RAD51B: variants seen among roughly 807,000 people sequenced by gnomAD.
RAD51B encodes DNA repair protein RAD51 homolog 2.
In RAD51B, 38 loss-of-function variants were observed where a neutral mutation model predicts 42.2. The observed-to-expected ratio is 0.90, with a 90% confidence interval of 0.70 to 1.18. RAD51B has a LOEUF of 1.18. RAD51B is among the 50% of genes most tolerant of loss of function. The pLI, the probability that RAD51B is intolerant of heterozygous loss-of-function variation, is 0.00. For synonymous variants in RAD51B, 154 were observed against 145.2 expected (o/e 1.06, Z -0.43); for missense variants, 373 against 400.7 (o/e 0.93, Z 0.59).
rs1441859178 is a variant in RAD51B at position 68,648,070 on chromosome 14, T to A, written c.1037-2711T>A. Among the ~76,000 whole-genome samples, 2 of 121,748 alleles carry A rather than the reference T, an allele frequency of 1.6e-5. 1 individual carries two copies. The highest frequency in any genetic ancestry group is 1.7e-4 in the Admixed American group (2 of 11,586). The allele number at this position is 121,748 out of a possible 152,430, so 79.9% of individuals were successfully genotyped here. On this transcript the variant is annotated intron_variant, in intron 10 of 11. Transcript: ENST00000488612. ...ATATAGATGTGTGTGTGTATATATA[T>A]ATACACGTATATATACGTGTGTGTA...
intron 11 of RAD51B, among the ~76,000 whole-genome samples, chr14:68,654,257 G>A (rs1447924387): frequency 6.6e-6 from 1 of 152,244 alleles, no homozygotes; most frequent in Non-Finnish European, 1.5e-5. Context: ...TGGAATCCTG[G>A]TGGTTCGGTC....
chr14:68,112,738 G>T (rs906644082), intron 7 of RAD51B, among the ~76,000 whole-genome samples: 1 of 152,190 alleles, frequency 6.6e-6, no homozygotes, highest in Admixed American at 6.6e-5. Flanking sequence ...CCAGAAGATA[G>T]TCTTCTTTGG....
At chr14:68,678,016 C>T (rs112720922) in intron 11 of RAD51B, among the ~76,000 whole-genome samples, 5 of 152,296 alleles carry the variant, frequency 3.3e-5, no homozygotes, top group South Asian at 2.1e-4. Flanking sequence ...GCTAAGCATT[C>T]GCCATGCTTT....
intron 7 of RAD51B, chr14:68,149,667 A>T (rs2078333004): frequency 6.6e-6 from 1 of 152,250 alleles, no homozygotes; most frequent in African/African-American, 2.4e-5. Context: ...GTGGCTATTC[A>T]TGGGCTTGAT....
chr14:67,871,618 G>A (rs1240387084), intron 5 of RAD51B, among the ~76,000 whole-genome samples: 2 of 152,102 alleles, frequency 1.3e-5, no homozygotes, highest in Non-Finnish European at 2.9e-5. Flanking sequence ...ACCAAAGCCG[G>A]GCAGAGACAC....
At chr14:68,457,248 A>C (rs1353623621) in intron 9 of RAD51B, among the ~76,000 whole-genome samples, 1 of 151,888 alleles carries the variant, frequency 6.6e-6, no homozygotes, top group Non-Finnish European at 1.5e-5. Flanking sequence ...CAAAAGGAAA[A>C]TTTGGAAATT....
At position 68,595,606 on chromosome 14, in the gene RAD51B, G is replaced by A. The variant is rs963917; in HGVS notation, c.*1003G>A. Reference sequence around the variant, plus strand: ...TGACCAGAACAAGGGAGCAGCCTGAGTCAGTCTCCCCAATGTCTACATTGT... The same window carrying A: ...TGACCAGAACAAGGGAGCAGCCTGAATCAGTCTCCCCAATGTCTACATTGT... On this transcript the variant is annotated 3_prime_UTR_variant, in exon 11 of 11. Coordinates refer to the RAD51B transcript ENST00000487270. 321,430 of 1,064,476 alleles carry A rather than the reference G, an allele frequency of 0.3. 50,393 individuals carry two copies. The highest frequency in any genetic ancestry group is 0.49 in the East Asian group (9,929 of 20,148). 65.9% of individuals were successfully genotyped at this position (1,064,476 alleles called of 1,614,324 possible).
chr14:68,388,643 A>G (rs1250935886), intron 8 of RAD51B, among the ~76,000 whole-genome samples: 3 of 152,196 alleles, frequency 2.0e-5, no homozygotes, highest in East Asian at 3.8e-4. Context: ...ACTCACTTCA[A>G]AAATACTTAC....
chr14:67,823,665 G>T (rs2040712675), intron 2 of RAD51B, 38 bp downstream of exon 2: 1 of 1,510,880 alleles, frequency 6.6e-7, no homozygotes, highest in East Asian at 2.3e-5. Context: ...TAAGTTTTAT[G>T]CACAAGTTAA....
At chr14:68,647,299 A>G (rs1892581923) in intron 10 of RAD51B, among the ~76,000 whole-genome samples, 1 of 152,234 alleles carries the variant, frequency 6.6e-6, no homozygotes, top group Non-Finnish European at 1.5e-5. Flanking sequence ...TAATTGTTAC[A>G]TCATAAAACT....
chr14:68,417,401 A>G (rs963377429), intron 9 of RAD51B, among the ~76,000 whole-genome samples: 2 of 152,234 alleles, frequency 1.3e-5, no homozygotes, highest in South Asian at 2.1e-4. Flanking sequence ...CAAGTACATT[A>G]TCTTGGGTAT....
chr14:68,516,563 A>C (rs1357169186), intron 10 of RAD51B, among the ~76,000 whole-genome samples: 1 of 152,230 alleles, frequency 6.6e-6, no homozygotes, highest in Non-Finnish European at 1.5e-5. Flanking sequence ...TTTTCAGATA[A>C]TTGTGAATAT....
intron 10 of RAD51B, among the ~76,000 whole-genome samples, chr14:68,569,590 G>C (rs887563356): frequency 3.3e-5 from 5 of 152,222 alleles, no homozygotes; most frequent in Non-Finnish European, 5.9e-5. Flanking sequence ...GCAATGTGCT[G>C]TCATATGCAG....
intron 10 of RAD51B, among the ~76,000 whole-genome samples, chr14:68,577,518 AAT>A (rs1464313575): frequency 6.7e-6 from 1 of 149,776 alleles, no homozygotes; most frequent in Non-Finnish European, 1.5e-5. Context: ...AAAAAAAAAA[AAT>A]GGAATCCTAG....
At chr14:68,609,217 C>G (rs912940376) in intron 10 of RAD51B, among the ~76,000 whole-genome samples, 1 of 152,228 alleles carries the variant, frequency 6.6e-6, no homozygotes, top group Non-Finnish European at 1.5e-5. Context: ...CCATCCACTG[C>G]ATTCACTCCA....
intron 7 of RAD51B, among the ~76,000 whole-genome samples, chr14:67,971,100 G>A (rs1213068117): frequency 6.6e-6 from 1 of 152,074 alleles, no homozygotes; most frequent in Non-Finnish European, 1.5e-5. Context: ...AGTATAACCT[G>A]TACTGAAATG....
intron 10 of RAD51B, among the ~76,000 whole-genome samples, chr14:68,568,714 C>G (rs1358472393): frequency 6.6e-6 from 1 of 152,172 alleles, no homozygotes; most frequent in East Asian, 1.9e-4. Context: ...GAACGGGCAG[C>G]CATTTTCAAC....
At chr14:68,465,891 A>C (rs1404643842) in intron 9 of RAD51B, among the ~76,000 whole-genome samples, 7 of 151,444 alleles carry the variant, frequency 4.6e-5, no homozygotes, top group Non-Finnish European at 1.0e-4. Context: ...CAGTGAGCCG[A>C]GATTGCGCCA....
chr14:68,349,796 G>T (rs564673777), intron 8 of RAD51B, among the ~76,000 whole-genome samples: 2 of 152,158 alleles, frequency 1.3e-5, no homozygotes, highest in African/African-American at 2.4e-5. Flanking sequence ...AGGTGATGAG[G>T]GAGCCTTGTG....
Sources: gnomAD v4.1 joint callset for allele counts (sites outside exome capture counted in the v4.1 genomes callset) on GRCh38, gnomAD v4.1.1 for gene constraint, MANE v1.5 for transcripts, NCBI Gene and HGNC (gene_info 2026-07-23, HGNC 2026-07-21) for gene names.